BICC1: variants seen among roughly 807,000 people sequenced by gnomAD.
The protein encoded by BICC1 is protein bicaudal C homolog 1.
A neutral mutation model predicts 111.0 loss-of-function variants in BICC1; 43 were observed. The ratio of observed to expected loss-of-function variants is 0.39; its 90% CI spans 0.30 to 0.50. The LOEUF (loss-of-function observed/expected upper bound fraction) is 0.50. BICC1 is among the 20% of genes least tolerant of loss of function. BICC1 has a pLI of 0.88. For missense variants in BICC1, 1,091 were observed against 1,203.2 expected (o/e 0.91, Z 1.38); for synonymous variants, 467 against 434.4 (o/e 1.07, Z -0.93).
At chr10:58,650,190 CCT>C (rs1355517323) in intron 2 of BICC1, 1 of 152,112 alleles carries the variant, frequency 6.6e-6, no homozygotes, top group Non-Finnish European at 1.5e-5. Context: ...ATGTATATTT[CCT>C]CTCTCTGTCT....
At chr10:58,760,262 G>C (rs1451468629) in intron 3 of BICC1, among the ~76,000 whole-genome samples, 1 of 152,074 alleles carries the variant, frequency 6.6e-6, no homozygotes, top group East Asian at 1.9e-4. Context: ...TTACAATCAT[G>C]CAGGAGATTG....
chr10:58,721,677 G>T (rs1840944764), intron 3 of BICC1, among the ~76,000 whole-genome samples: 1 of 152,156 alleles, frequency 6.6e-6, no homozygotes, highest in Admixed American at 6.5e-5. Context: ...TATATGCCAT[G>T]GGGAGGAGCA....
chr10:58,617,618 G>A (rs1220377167), intron 1 of BICC1, among the ~76,000 whole-genome samples: 1 of 152,266 alleles, frequency 6.6e-6, no homozygotes, highest in Non-Finnish European at 1.5e-5. Context: ...TGTGGACAAA[G>A]TAGCTAATGG....
chr10:58,775,690 A>C (rs1454334129), intron 3 of BICC1, among the ~76,000 whole-genome samples: 1 of 152,220 alleles, frequency 6.6e-6, no homozygotes, highest in Non-Finnish European at 1.5e-5. Context: ...GGGGAGAGGA[A>C]TAGGCATATT....
In BICC1 at chr10:58,683,165, T is replaced by C. The variant is rs902872210; in HGVS notation, c.238-18909T>C. Among the ~76,000 whole-genome samples, 5 of 152,230 alleles carry C rather than the reference T, an allele frequency of 3.3e-5. No homozygotes were observed. The East Asian group carries it at 5.8e-4, about 18-fold the overall frequency. ...ATCCTTTCCCCATTTCTTGTATTTG[T>C]CAGCTTTGTCAAAGATCAGATGGTT... is the stretch of plus-strand genomic sequence containing the variant. On this transcript the variant is annotated intron_variant, in intron 2 of 20. Coordinates refer to ENST00000373886, the MANE Select transcript of BICC1 (RefSeq NM_001080512.3).
chr10:58,670,608 A>G (rs1485174237), intron 2 of BICC1, among the ~76,000 whole-genome samples: 1 of 152,198 alleles, frequency 6.6e-6, no homozygotes, highest in East Asian at 1.9e-4. Context: ...TGTGACTTGA[A>G]CAGTAGAGGG....
chr10:58,816,844 TG>T lies in BICC1; in HGVS notation c.2534-715del, dbSNP rs1008457768. Among the ~76,000 whole-genome samples, 170 of 151,888 alleles carry T rather than the reference TG, an allele frequency of 1.1e-3. 3 individuals are homozygous for T. Among genetic ancestry groups the T allele is most frequent in the African/African-American group, 3.9e-3 (163 of 41,428 alleles). On this transcript the variant is annotated intron_variant, in intron 18 of 20. Transcript: ENST00000373886. ...TCCGTCACCAGCGCTTGCTTGTCAC[TG>T]GGTCTGAGAGCCACAGACAGTTTGT...
intron 1 of BICC1, among the ~76,000 whole-genome samples, chr10:58,572,347 A>AT (rs531094834): frequency 6.6e-5 from 10 of 152,068 alleles, no homozygotes; most frequent in Non-Finnish European, 1.5e-4. Context: ...CCATTTGTCA[A>AT]TTTTTGCTTT....
At chr10:58,693,463 T>G (rs1444281353) in intron 2 of BICC1, among the ~76,000 whole-genome samples, 1 of 152,222 alleles carries the variant, frequency 6.6e-6, no homozygotes, top group Non-Finnish European at 1.5e-5. Context: ...TTGAACTAGT[T>G]TACAGTCCCA....
chr10:58,532,357 T>A (rs1649084), intron 1 of BICC1, among the ~76,000 whole-genome samples: 69,725 of 151,536 alleles, frequency 0.46, 17,097 homozygotes, highest in Admixed American at 0.62. Flanking sequence ...AATAAATTCC[T>A]GCTGATTTGG....
Position 58,829,673 on chromosome 10 carries a change from G to A in BICC1, c.*782G>A, listed in dbSNP as rs953275630. The A allele has an allele frequency of 6.6e-6, 1 of 152,144 alleles. No homozygotes were observed. Among genetic ancestry groups the A allele is most frequent in the Admixed American group, 6.6e-5 (1 of 15,262 alleles). The allele number at this position is 152,144 out of a possible 1,614,324, so 9.4% of individuals were successfully genotyped here. A position where few individuals can be genotyped will look rare whatever the true frequency, so the allele number is the denominator to read the frequency against. On this transcript the variant is annotated 3_prime_UTR_variant, in exon 21 of 21. Transcript: ENST00000373886. The stretch of plus-strand genomic sequence containing the variant: ...TAATAGGTGCAAAGAAAGACCAAAT[G>A]GACTTTGCAGTATTAACCCTTTGCA...
chr10:58,592,746 G>A (rs1006989504), intron 1 of BICC1, among the ~76,000 whole-genome samples: 11 of 151,224 alleles, frequency 7.3e-5, no homozygotes, highest in East Asian at 2.0e-4. Context: ...GCCTGTTGGC[G>A]TGCACCTGTA....
At chr10:58,535,922 A>G (rs1038238948) in intron 1 of BICC1, among the ~76,000 whole-genome samples, 2 of 151,490 alleles carry the variant, frequency 1.3e-5, no homozygotes, top group African/African-American at 2.4e-5. Flanking sequence ...AGCAGGAGGA[A>G]CTATTCTTAT....
intron 3 of BICC1, among the ~76,000 whole-genome samples, chr10:58,706,780 T>C (rs2132467278): frequency 6.6e-6 from 1 of 152,302 alleles, no homozygotes; most frequent in Admixed American, 6.5e-5. Flanking sequence ...GATTGTAAGT[T>C]TCCTGAGGCC....
chr10:58,774,075 T>C (rs947410413), intron 3 of BICC1, among the ~76,000 whole-genome samples: 4 of 152,158 alleles, frequency 2.6e-5, no homozygotes, highest in Admixed American at 6.5e-5. Flanking sequence ...CATATGGCCT[T>C]CACTAACTAT....
intron 2 of BICC1, among the ~76,000 whole-genome samples, chr10:58,639,903 G>A (rs1838072679): frequency 6.6e-6 from 1 of 151,776 alleles, no homozygotes; most frequent in African/African-American, 2.4e-5. Flanking sequence ...TGTAGAGACA[G>A]GGTTTCGCCA....
intron 1 of BICC1, among the ~76,000 whole-genome samples, chr10:58,525,695 TA>T (rs1842517189): frequency 8.6e-6 from 1 of 115,922 alleles, no homozygotes; most frequent in Non-Finnish European, 2.0e-5. Context: ...ACATGTACCC[TA>T]AAACTTTAAT....
intron 1 of BICC1, among the ~76,000 whole-genome samples, chr10:58,561,384 C>T (rs1843599300): frequency 6.6e-6 from 1 of 151,442 alleles, no homozygotes; most frequent in African/African-American, 2.4e-5. Flanking sequence ...GTTTTGGTTT[C>T]TCTTTGTGTA....
At chr10:58,569,098 A>T (rs1374941644) in intron 1 of BICC1, among the ~76,000 whole-genome samples, 1 of 152,242 alleles carries the variant, frequency 6.6e-6, no homozygotes, top group East Asian at 1.9e-4. Context: ...GAACCTGGAC[A>T]GGTTTGATAA....
Sources: allele counts gnomAD v4.1 joint callset (sites outside exome capture counted in the v4.1 genomes callset), GRCh38; gene constraint gnomAD v4.1.1; transcripts MANE v1.5; gene names NCBI Gene and HGNC (gene_info 2026-07-23, HGNC 2026-07-21).